The following OLFM3 variants were observed in gnomAD, a reference collection of about 807,000 sequenced individuals.
OLFM3 encodes olfactomedin 3.
In OLFM3, 20 loss-of-function variants were observed where a neutral mutation model predicts 48.6. The ratio of observed to expected loss-of-function variants is 0.41; its 90% CI spans 0.29 to 0.60. The LOEUF (loss-of-function observed/expected upper bound fraction) is 0.60. Among genes scored for constraint, OLFM3 ranks in the 20% least tolerant of loss-of-function variants. The pLI, the probability that OLFM3 is intolerant of heterozygous loss-of-function variation, is 0.28. For missense variants in OLFM3, 437 were observed against 544.3 expected (o/e 0.80, Z 1.96); for synonymous variants, 222 against 198.1 (o/e 1.12, Z -1.01).
At chr1:101,958,356 C>A (rs561327748) in intron 1 of OLFM3, among the ~76,000 whole-genome samples, 1 of 152,028 alleles carries the variant, frequency 6.6e-6, no homozygotes, top group Non-Finnish European at 1.5e-5. Flanking sequence ...CTTTTCTACA[C>A]TGTGAGGCAG....
chr1:101,979,725 G>A (rs12045688), intron 1 of OLFM3, among the ~76,000 whole-genome samples: 10 of 152,150 alleles, frequency 6.6e-5, no homozygotes, highest in Non-Finnish European at 1.2e-4. Context: ...GTTGCAGCCC[G>A]ACACAGAGTC....
intron 1 of OLFM3, among the ~76,000 whole-genome samples, chr1:101,946,426 G>T (rs899928568): frequency 2.0e-5 from 3 of 152,142 alleles, no homozygotes; most frequent in Non-Finnish European, 4.4e-5. Flanking sequence ...ACTTTATCTG[G>T]TTCCAACCCT....
At chr1:101,817,856 C>T (rs1275100596) in intron 4 of OLFM3, among the ~76,000 whole-genome samples, 1 of 151,932 alleles carries the variant, frequency 6.6e-6, no homozygotes, top group Non-Finnish European at 1.5e-5. Context: ...CTGTACCATA[C>T]ATTTGGTAGT....
intron 4 of OLFM3, among the ~76,000 whole-genome samples, chr1:101,819,646 T>C (rs951514716): frequency 6.6e-5 from 10 of 152,010 alleles, no homozygotes; most frequent in East Asian, 1.9e-4. Context: ...CTCTTTTTTT[T>C]CTACAACAAT....
At chr1:101,830,630 A>C in intron 3 of OLFM3, 42 bp downstream of exon 3, 1 of 1,609,264 alleles carries the variant, frequency 6.2e-7, no homozygotes, top group Non-Finnish European at 8.5e-7. Context: ...ATCCCACTCC[A>C]TGTCTGATTT....
chr1:101,909,942 A>C (rs1185186089), intron 1 of OLFM3: 1 of 981,886 alleles, frequency 1.0e-6, no homozygotes, highest in African/African-American at 1.7e-5. Flanking sequence ...TAAACTATAG[A>C]CTCATCCAAT....
intron 1 of OLFM3, among the ~76,000 whole-genome samples, chr1:101,867,590 C>G (rs187262439): frequency 6.6e-6 from 1 of 152,212 alleles, no homozygotes; most frequent in Non-Finnish European, 1.5e-5. Context: ...TTATTTATCC[C>G]ATTAGGTCAG....
At chr1:101,977,861 C>A (rs1409759552) in intron 1 of OLFM3, among the ~76,000 whole-genome samples, 1 of 151,908 alleles carries the variant, frequency 6.6e-6, no homozygotes, top group Non-Finnish European at 1.5e-5. Context: ...AAACATTAAA[C>A]TTTATGAAGA....
chr1:101,925,400 T>G (rs1287664749), intron 1 of OLFM3, among the ~76,000 whole-genome samples: 1 of 152,180 alleles, frequency 6.6e-6, no homozygotes, highest in Non-Finnish European at 1.5e-5. Flanking sequence ...TGCCTTCTTA[T>G]GTATTCCCAG....
At chr1:101,994,997 A>G (rs894115295) in intron 1 of OLFM3, among the ~76,000 whole-genome samples, 8 of 152,128 alleles carry the variant, frequency 5.3e-5, no homozygotes, top group African/African-American at 1.9e-4. Context: ...TATTTTAAAA[A>G]TGTCTTCATA....
intron 1 of OLFM3, among the ~76,000 whole-genome samples, chr1:101,949,725 T>C (rs1387796556): frequency 1.3e-5 from 2 of 151,684 alleles, no homozygotes; most frequent in African/African-American, 2.4e-5. Flanking sequence ...GGTCAGGAGA[T>C]CAAGACCATC....
intron 1 of OLFM3, among the ~76,000 whole-genome samples, chr1:101,907,269 C>A (rs576968802): frequency 1.3e-5 from 2 of 152,286 alleles, no homozygotes; most frequent in East Asian, 1.9e-4. Flanking sequence ...TTAAAATACA[C>A]AACCCACATA....
At chr1:101,812,173 C>T (rs1039893265) in intron 4 of OLFM3, among the ~76,000 whole-genome samples, 7 of 148,498 alleles carry the variant, frequency 4.7e-5, no homozygotes, top group South Asian at 2.2e-4. Flanking sequence ...CATCACACAC[C>T]GGGGCCTTTC....
chr1:101,824,123 T>C (rs1246850254), intron 4 of OLFM3, among the ~76,000 whole-genome samples: 1 of 152,138 alleles, frequency 6.6e-6, no homozygotes, highest in Non-Finnish European at 1.5e-5. Context: ...TGTGTGTGTG[T>C]GTGCTTTACT....
intron 1 of OLFM3, among the ~76,000 whole-genome samples, chr1:101,876,422 T>C (rs1657303875): frequency 1.3e-5 from 2 of 152,012 alleles, no homozygotes; most frequent in Non-Finnish European, 2.9e-5. Flanking sequence ...CTATACTCTG[T>C]AAAGTGCTTT....
intron 1 of OLFM3, among the ~76,000 whole-genome samples, chr1:101,878,323 A>T (rs921790804): frequency 6.6e-6 from 1 of 151,854 alleles, no homozygotes; most frequent in Non-Finnish European, 1.5e-5. Context: ...ACCTGAATTA[A>T]CTTCTCCAAA....
At chr1:101,857,771 G>T (rs773673492) in intron 1 of OLFM3, among the ~76,000 whole-genome samples, 2 of 151,906 alleles carry the variant, frequency 1.3e-5, no homozygotes, top group Non-Finnish European at 2.9e-5. Flanking sequence ...CTGCACTGAA[G>T]TAGGATTTAA....
chr1:101,922,284 G>A (rs148204474), intron 1 of OLFM3, among the ~76,000 whole-genome samples: 135 of 152,082 alleles, frequency 8.9e-4, no homozygotes, highest in Non-Finnish European at 1.6e-3. Context: ...CATGTAAAGC[G>A]CTTTAGTTTA....
At chr1:101,917,322 T>C (rs1438314163) in intron 1 of OLFM3, among the ~76,000 whole-genome samples, 1 of 152,214 alleles carries the variant, frequency 6.6e-6, no homozygotes, top group Non-Finnish European at 1.5e-5. Context: ...CAAACTGTTT[T>C]CAGAAAACAC....
Sources: gnomAD v4.1 joint callset for allele counts (sites outside exome capture counted in the v4.1 genomes callset) on GRCh38, gnomAD v4.1.1 for gene constraint, MANE v1.5 for transcripts, NCBI Gene and HGNC (gene_info 2026-07-23, HGNC 2026-07-21) for gene names.